CNTNAP3B: variants seen among roughly 807,000 people sequenced by gnomAD.
The protein encoded by CNTNAP3B is contactin associated protein family member 3B.
Under a neutral mutation model 108.9 loss-of-function variants are expected in CNTNAP3B, and 25 were observed. The observed-to-expected ratio is 0.23, with a 90% CI of 0.17 to 0.32. The LOEUF (loss-of-function observed/expected upper bound fraction) is 0.32. CNTNAP3B is among the 10% of genes least tolerant of loss of function. The probability of loss-of-function intolerance (pLI) is 1.00; values close to 1 mark genes in which losing one functional copy is unlikely to be tolerated. For synonymous variants in CNTNAP3B, 103 were observed against 473.4 expected (o/e 0.22, Z 10.16); for missense variants, 252 against 1,210.4 (o/e 0.21, Z 11.75).
In CNTNAP3B at chr9:42,090,955, T is replaced by C. The variant is rs1827809945; in HGVS notation, c.196+13674A>G. Among the ~76,000 whole-genome samples, 6 of 49,038 alleles carry C rather than the reference T, an allele frequency of 1.2e-4. 1 individual carries two copies. The South Asian group carries it at 3.9e-3, about 32-fold the overall frequency. The allele number at this position is 49,038 out of a possible 152,430, so 32.2% of individuals were successfully genotyped here. On this transcript the variant is annotated intron_variant, in intron 2 of 23. Coordinates refer to ENST00000377561, the MANE Select transcript of CNTNAP3B (RefSeq NM_001201380.3). ...TTGACTATTAAGTACACACTGACTC[T>C]CTCTAAATATATATATATACACACA... is the stretch of plus-strand genomic sequence containing the variant.
In CNTNAP3B at chr9:41,949,952, T is replaced by A. The variant is rs199821806; in HGVS notation, c.2080+3231A>T. ...GTCGATGAATAGGCAAGCAACAGAG[T>A]GGGAAAAAATATTCGCAAATCACAT... is the stretch of plus-strand genomic sequence containing the variant. On this transcript the variant is annotated intron_variant, in intron 13 of 23. Transcript: ENST00000377561. 1.2e-3 allele frequency among the ~76,000 whole-genome samples: 183 copies of A among 151,840 alleles called. No homozygotes were observed. The East Asian group carries it at 0.032, about 26-fold the overall frequency.
intron 1 of CNTNAP3B, among the ~76,000 whole-genome samples, chr9:42,116,076 C>G (rs112793052): frequency 0.035 from 4,846 of 139,354 alleles, 1,177 homozygotes; most frequent in African/African-American, 0.13. Flanking sequence ...GACGCATGCA[C>G]AAGCTTCAGT....
At chr9:41,939,524 G>A (rs1462696664) in intron 13 of CNTNAP3B, among the ~76,000 whole-genome samples, 2 of 152,366 alleles carry the variant, frequency 1.3e-5, no homozygotes, top group Admixed American at 6.5e-5. Flanking sequence ...ACGAAAAAAA[G>A]GCAATCTGGG....
At chr9:42,096,358 A>G (rs1009070384) in intron 2 of CNTNAP3B, among the ~76,000 whole-genome samples, 1 of 140,718 alleles carries the variant, frequency 7.1e-6, no homozygotes, top group African/African-American at 2.8e-5. Context: ...GCGAGATAGC[A>G]GAAAAATTAA....
intron 3 of CNTNAP3B, among the ~76,000 whole-genome samples, chr9:42,047,829 T>A (rs1287148367): frequency 8.8e-6 from 1 of 113,896 alleles, no homozygotes; most frequent in African/African-American, 3.8e-5. Context: ...ACCACTTGGG[T>A]TCAGATTTCT....
intron 13 of CNTNAP3B, among the ~76,000 whole-genome samples, chr9:41,942,472 G>C (rs1359823642): frequency 1.3e-4 from 20 of 151,660 alleles, no homozygotes; most frequent in African/African-American, 2.4e-5. Context: ...TTAGCCGGGC[G>C]TGGTGGCGGG....
chr9:42,044,774 G>C (rs548458327), intron 3 of CNTNAP3B, among the ~76,000 whole-genome samples: 18 of 139,282 alleles, frequency 1.3e-4, no homozygotes, highest in East Asian at 6.4e-4. Flanking sequence ...TGTGCCAGAA[G>C]AAGTGGTTCA....
chr9:41,934,841 T>G (rs1426170825), intron 14 of CNTNAP3B, among the ~76,000 whole-genome samples: 2 of 152,290 alleles, frequency 1.3e-5, no homozygotes, highest in Non-Finnish European at 2.9e-5. Context: ...TTATTATGAT[T>G]ATTTGTACAC....
In CNTNAP3B at chr9:41,953,277, GC is replaced by G; in HGVS notation, c.1985del (p.Gly662AlafsTer9). 1 of 1,528,172 alleles carries G rather than the reference GC, an allele frequency of 6.5e-7. No individual in the cohort carries two copies. The highest frequency in any genetic ancestry group is 1.2e-5 in the South Asian group (1 of 83,328). 94.7% of individuals were successfully genotyped at this position (1,528,172 alleles called of 1,614,324 possible). A position where few individuals can be genotyped will look rare whatever the true frequency, so the allele number is the denominator to read the frequency against. Reference sequence around the variant, plus strand: ...TCACCGCGGCCCGCAGCTGCCCCGCGCCCGCTGCGTACGCGAAGGACACAGC... The same window carrying G: ...TCACCGCGGCCCGCAGCTGCCCCGCGCCGCTGCGTACGCGAAGGACACAGC... ...LSAVSFAYAA[G>X]AGQLRAAVNL... On this transcript the variant is annotated frameshift_variant, in exon 13 of 24. Coordinates refer to ENST00000377561, the MANE Select transcript of CNTNAP3B (RefSeq NM_001201380.3). LOFTEE classifies it high-confidence loss of function.
At chr9:42,031,005 G>A (rs1215454354) in intron 3 of CNTNAP3B, among the ~76,000 whole-genome samples, 6 of 104,400 alleles carry the variant, frequency 5.7e-5, no homozygotes, top group East Asian at 4.3e-4. Context: ...GACATCTCTA[G>A]CAAAATGAAG....
At chr9:41,942,365 T>G (rs1383487129) in intron 13 of CNTNAP3B, among the ~76,000 whole-genome samples, 1 of 151,144 alleles carries the variant, frequency 6.6e-6, no homozygotes, top group African/African-American at 2.4e-5. Flanking sequence ...AATCCCAGCA[T>G]TTTGGGAGGC....
At chr9:41,935,588 A>G (rs539772580) in intron 14 of CNTNAP3B, among the ~76,000 whole-genome samples, 4,139 of 150,674 alleles carry the variant, frequency 0.027, no homozygotes, top group African/African-American at 0.097. Flanking sequence ...TATTTGAAAA[A>G]TTAAAATAGA....
chr9:42,003,272 G>T (rs1826036117), intron 4 of CNTNAP3B, among the ~76,000 whole-genome samples: 1 of 116,012 alleles, frequency 8.6e-6, no homozygotes, highest in Non-Finnish European at 1.8e-5. Context: ...GTCATTCTAA[G>T]CACAGGCATG....
At chr9:41,919,408 C>T (rs1164377680) in intron 18 of CNTNAP3B, among the ~76,000 whole-genome samples, 2 of 151,976 alleles carry the variant, frequency 1.3e-5, no homozygotes, top group East Asian at 3.9e-4. Flanking sequence ...GCCACCACGC[C>T]CAGCCCTTTT....
At chr9:41,955,798 A>C (rs1450620193) in intron 12 of CNTNAP3B, among the ~76,000 whole-genome samples, 1 of 152,302 alleles carries the variant, frequency 6.6e-6, no homozygotes, top group African/African-American at 2.4e-5. Flanking sequence ...TAAATATCCA[A>C]CTTTGAAAAT....
intron 3 of CNTNAP3B, among the ~76,000 whole-genome samples, chr9:42,061,317 C>CTTTTTT (rs57755649): frequency 5.9e-3 from 551 of 92,970 alleles, no homozygotes; most frequent in Non-Finnish European, 7.4e-3. Context: ...TTTTCTTTTT[C>CTTTTTT]TTTTTTTTTT....
chr9:41,948,656 GGAGTTGCTCTAGTTAT>G (rs1377589268), intron 13 of CNTNAP3B, among the ~76,000 whole-genome samples: 1 of 151,648 alleles, frequency 6.6e-6, no homozygotes, highest in Non-Finnish European at 1.5e-5. Flanking sequence ...TGGCAAAATG[GGAGTTGCTCTAGTTAT>G]GCAAAGCTGA....
rs1451616063 is a variant in CNTNAP3B, at chr9:42,109,139, G to A, written c.86-4400C>T. Among the ~76,000 whole-genome samples, 2 of 139,174 alleles carry A rather than the reference G, an allele frequency of 1.4e-5. 1 individual carries two copies. Among genetic ancestry groups the A allele is most frequent in the East Asian group, 4.4e-4 (2 of 4,586 alleles). 91.3% of individuals were successfully genotyped at this position (139,174 alleles called of 152,430 possible). On this transcript the variant is annotated intron_variant, in intron 1 of 23. Coordinates refer to ENST00000377561, the MANE Select transcript of CNTNAP3B (RefSeq NM_001201380.3). ...TAAAAGTGTATTGAGCACCTACCAT[G>A]TTCAAAGCATTATGGGGCATAAAGA...
chr9:42,080,340 A>G (rs1384567723), intron 2 of CNTNAP3B, among the ~76,000 whole-genome samples: 2 of 138,978 alleles, frequency 1.4e-5, no homozygotes, highest in Non-Finnish European at 3.1e-5. Context: ...TGATAAAGTA[A>G]TGAAATTCTG....
Sources: gnomAD v4.1 joint callset for allele counts (sites outside exome capture counted in the v4.1 genomes callset) on GRCh38, gnomAD v4.1.1 for gene constraint, MANE v1.5 for transcripts, NCBI Gene and HGNC (gene_info 2026-07-23, HGNC 2026-07-21) for gene names.